Variants in RHD observed in about 807,000 individuals in gnomAD.
RHD encodes the protein Rh blood group D antigen, also known as blood group Rh(D) polypeptide.
A neutral mutation model predicts 45.5 loss-of-function variants in RHD; 16 were observed. The observed-to-expected ratio is 0.35, with a 90% CI of 0.24 to 0.53. RHD has a LOEUF of 0.53. Among genes scored for constraint, RHD ranks in the 20% least tolerant of loss-of-function variants. The pLI, the probability that RHD is intolerant of heterozygous loss-of-function variation, is 0.92. For missense variants in RHD, 306 were observed against 532.0 expected (o/e 0.58, Z 4.18); for synonymous variants, 131 against 217.5 (o/e 0.60, Z 3.50).
chr1:25,313,848 A>G (rs533966292), intron 7 of RHD, among the ~76,000 whole-genome samples: 2 of 133,214 alleles, frequency 1.5e-5, no homozygotes, highest in African/African-American at 5.1e-5. Context: ...CAAGAAAATG[A>G]GATAAACAAC....
In RHD at chr1:25,277,835, C is replaced by T. The variant is rs1452471346; in HGVS notation, c.148+5140C>T. ...GATTACAGGCATGCGCCACCACGCC[C>T]GGCTAATTTTGTATTTTTAGTAGAG... is the stretch of plus-strand genomic sequence containing the variant. On this transcript the variant is annotated intron_variant, in intron 1 of 9. Transcript: ENST00000328664. 7.8e-4 allele frequency among the ~76,000 whole-genome samples: 98 copies of T among 126,368 alleles called. 16 individuals carry two copies. Among genetic ancestry groups the T allele is most frequent in the African/African-American group, 1.4e-3 (53 of 37,258 alleles). The allele number at this position is 126,368 out of a possible 152,430, so 82.9% of individuals were successfully genotyped here. A position where few individuals can be genotyped will look rare whatever the true frequency, so the allele number is the denominator to read the frequency against.
At position 25,299,506 on chromosome 1, in the gene RHD, C is replaced by T. The variant is rs1446049331; in HGVS notation, c.487-1440C>T. 1.5e-5 allele frequency among the ~76,000 whole-genome samples: 2 copies of T among 131,988 alleles called. 1 individual carries two copies. The highest frequency in any genetic ancestry group is 5.2e-5 in the African/African-American group (2 of 38,380). 86.6% of individuals were successfully genotyped at this position (131,988 alleles called of 152,430 possible). ...TTGCACCCAGGGTGGACTACTCCCT[C>T]CACCCTGCCCTTGTTACACCCTGGC... On this transcript the variant is annotated intron_variant, in intron 3 of 9. Coordinates refer to ENST00000328664, the MANE Select transcript of RHD (RefSeq NM_016124.6).
In RHD at chr1:25,290,679, T is replaced by C; in HGVS notation, c.374T>C (p.Ile125Thr). The C allele has an allele frequency of 2.2e-6, 3 of 1,378,600 alleles. 1 individual carries two copies. The highest frequency in any genetic ancestry group is 3.1e-6 in the Non-Finnish European group (3 of 978,452). 85.4% of individuals were successfully genotyped at this position (1,378,600 alleles called of 1,614,324 possible). ...ACCATGAGTGCTTTGTCGGTGCTGATCTCAGTGGATGCTGTCTTGGGGAAG... is the reference window on the plus strand; with the variant it reads ...ACCATGAGTGCTTTGTCGGTGCTGACCTCAGTGGATGCTGTCTTGGGGAAG... ...LATMSALSVL[I>T]SVDAVLGKVN... The change falls in exon 3 of 10, where the codon ATC becomes ACC. Residue 125 changes from isoleucine (I) to threonine (T), a missense_variant. By Grantham distance (89) the Ile-to-Thr change is moderately conservative. Coordinates refer to ENST00000328664, the MANE Select transcript of RHD (RefSeq NM_016124.6).
At position 25,290,246 on chromosome 1, in the gene RHD, C is replaced by G. The variant is rs560618923; in HGVS notation, c.336-395C>G. 2.4e-4 allele frequency among the ~76,000 whole-genome samples: 30 copies of G among 127,292 alleles called. 6 individuals carry two copies. The highest frequency in any genetic ancestry group is 1.5e-4 in the Non-Finnish European group (8 of 54,230). 83.5% of individuals were successfully genotyped at this position (127,292 alleles called of 152,430 possible). On this transcript the variant is annotated intron_variant, in intron 2 of 9. Transcript: ENST00000328664. ...CAGGCCTGCGGGGGAAGAGTGCCCT[C>G]TGTTGAGCATCCGAATGATGGCAGC...
chr1:25,329,006 A>G lies in RHD; in HGVS notation c.*82A>G, dbSNP rs780411525. 2.9e-6 allele frequency: 4 copies of G among 1,377,140 alleles called. No individual in the cohort carries two copies. In the African/African-American group the frequency reaches 5.7e-5, roughly 19 times the overall value. 85.3% of individuals were successfully genotyped at this position (1,377,140 alleles called of 1,614,324 possible). ...TGTTGCCTGCATTTGTACGTGAGAA[A>G]CGCTCATGACAGCAAAGTCTCCAAT... On this transcript the variant is annotated 3_prime_UTR_variant, in exon 10 of 10. Transcript: ENST00000328664.
At chr1:25,315,501 C>CTT (rs1189263980) in intron 7 of RHD, among the ~76,000 whole-genome samples, 2 of 114,120 alleles carry the variant, frequency 1.8e-5, no homozygotes, top group African/African-American at 3.0e-5. Context: ...TTCTTTCTTT[C>CTT]TTTTTTTTTT....
chr1:25,278,483 G>C (rs1641205853), intron 1 of RHD, among the ~76,000 whole-genome samples: 2 of 131,604 alleles, frequency 1.5e-5, no homozygotes, highest in African/African-American at 5.2e-5. Flanking sequence ...GGGTTCAGCT[G>C]GGCAGTTCTT....
In RHD at chr1:25,284,746, A is replaced by G. The variant is rs1307899222; in HGVS notation, c.322A>G (p.Ile108Val). 5.0e-6 allele frequency: 7 copies of G among 1,388,942 alleles called. No homozygotes were observed. The Admixed American group carries it at 5.3e-5, about 11-fold the overall frequency. The allele number at this position is 1,388,942 out of a possible 1,614,324, so 86.0% of individuals were successfully genotyped here. A position where few individuals can be genotyped will look rare whatever the true frequency, so the allele number is the denominator to read the frequency against. Residue 108 changes from isoleucine to valine, a missense_variant, in exon 2 of 10, where the codon ATC becomes GTC. Coordinates refer to ENST00000328664, the MANE Select transcript of RHD (RefSeq NM_016124.6). ...CCAGTTCCCTTCTGGGAAGGTGGTC[A>G]TCACACTGTTCAGGTATTGGGATGG... is the stretch of plus-strand genomic sequence containing the variant. ...LSQFPSGKVV[I>V]TLFSIRLATM... is the part of the protein sequence containing the mutation.
In RHD at chr1:25,305,998, G is replaced by A. The variant is rs1382643393; in HGVS notation, c.940-598G>A. Among the ~76,000 whole-genome samples, 4 of 132,106 alleles carry A rather than the reference G, an allele frequency of 3.0e-5. 1 individual carries two copies. The highest frequency in any genetic ancestry group is 1.0e-4 in the African/African-American group (4 of 38,242). 86.7% of individuals were successfully genotyped at this position (132,106 alleles called of 152,430 possible). On this transcript the variant is annotated intron_variant, in intron 6 of 9. Transcript: ENST00000328664. ...CACATCTGCTGGCTCACGGCTGTGTGGGAGGCTGAGTGATGGGGAGGAAGG... is the reference window on the plus strand; with the variant it reads ...CACATCTGCTGGCTCACGGCTGTGTAGGAGGCTGAGTGATGGGGAGGAAGG...
chr1:25,292,686 G>A (rs1310462528), intron 3 of RHD, among the ~76,000 whole-genome samples: 1 of 128,708 alleles, frequency 7.8e-6, no homozygotes, highest in East Asian at 2.0e-4. Flanking sequence ...AAACATCCCA[G>A]TGGAGACACT....
In RHD at chr1:25,284,999, C is replaced by T. The variant is rs1484353505; in HGVS notation, c.335+240C>T. ...CAAGGAATCCAGGCCTACATTCCTC[C>T]TGCATCCTTTCTTTCCTGTTATTGT... On this transcript the variant is annotated intron_variant, in intron 2 of 9. Transcript: ENST00000328664. 2.2e-4 allele frequency among the ~76,000 whole-genome samples: 30 copies of T among 135,144 alleles called. 9 individuals are homozygous for T. Among genetic ancestry groups the T allele is most frequent in the Non-Finnish European group, 2.3e-4 (13 of 57,064 alleles). 88.7% of individuals were successfully genotyped at this position (135,144 alleles called of 152,430 possible).
rs1403885629 is a variant in RHD at position 25,274,584 on chromosome 1, G to T, written c.148+1889G>T. Reference sequence around the variant, plus strand: ...GTGACTGCCCAGCCAGGTCTTGAAGGCTCAGTAGGAATTACCTGTGGGACA... The same window carrying T: ...GTGACTGCCCAGCCAGGTCTTGAAGTCTCAGTAGGAATTACCTGTGGGACA... On this transcript the variant is annotated intron_variant, in intron 1 of 9. Coordinates refer to ENST00000328664, the MANE Select transcript of RHD (RefSeq NM_016124.6). Among the ~76,000 whole-genome samples, 4 of 133,480 alleles carry T rather than the reference G, an allele frequency of 3.0e-5. 1 individual carries two copies. Among genetic ancestry groups the T allele is most frequent in the Middle Eastern group, 8.1e-3 (2 of 246 alleles). The allele number at this position is 133,480 out of a possible 152,430, so 87.6% of individuals were successfully genotyped here.
In RHD at chr1:25,329,579, G is replaced by A. The variant is rs1373968034; in HGVS notation, c.*655G>A. 2.0e-5 allele frequency: 3 copies of A among 151,602 alleles called. 1 individual carries two copies. Among genetic ancestry groups the A allele is most frequent in the Non-Finnish European group, 4.6e-5 (3 of 65,800 alleles). 9.4% of individuals were successfully genotyped at this position (151,602 alleles called of 1,614,324 possible). On this transcript the variant is annotated 3_prime_UTR_variant, in exon 10 of 10. Transcript: ENST00000328664. ...TTTAACAGATAACAGTGTGCTCATA[G>A]AAACTGCTTTGACATGACTGCAATC... is the stretch of plus-strand genomic sequence containing the variant.
At chr1:25,321,410 T>C (rs1249641018) in intron 8 of RHD, among the ~76,000 whole-genome samples, 1 of 120,874 alleles carries the variant, frequency 8.3e-6, no homozygotes, top group African/African-American at 2.8e-5. Context: ...CCTGTAATAC[T>C]AGCACTTTGG....
At chr1:25,282,294 G>T (rs1171851659) in intron 1 of RHD, among the ~76,000 whole-genome samples, 2 of 131,502 alleles carry the variant, frequency 1.5e-5, no homozygotes, top group African/African-American at 5.2e-5. Context: ...GAGTGCAGTG[G>T]TGCGGTCTCA....
intron 3 of RHD, among the ~76,000 whole-genome samples, chr1:25,291,760 G>T (rs1393646831): frequency 1.5e-5 from 2 of 132,752 alleles, no homozygotes; most frequent in African/African-American, 5.1e-5. Context: ...GGGAGAGCCT[G>T]TCGAAAGTCT....
Position 25,297,156 on chromosome 1 carries a change from T to G in RHD, c.487-3790T>G, listed in dbSNP as rs369903622. ...CAATCTGGAGCAGTTTCTTCATCTT[T>G]CTTTATCTTTCATGACCTTGACATG... is the stretch of plus-strand genomic sequence containing the variant. On this transcript the variant is annotated intron_variant, in intron 3 of 9. Transcript: ENST00000328664. 4.7e-3 allele frequency among the ~76,000 whole-genome samples: 470 copies of G among 100,934 alleles called. 53 individuals are homozygous for G. Among genetic ancestry groups the G allele is most frequent in the African/African-American group, 0.014 (444 of 30,684 alleles). The allele number at this position is 100,934 out of a possible 152,430, so 66.2% of individuals were successfully genotyped here. A position where few individuals can be genotyped will look rare whatever the true frequency, so the allele number is the denominator to read the frequency against.
At position 25,290,791 on chromosome 1, in the gene RHD, C is replaced by A. The variant is rs371990272; in HGVS notation, c.486C>A (p.Asn162Lys). ...NLRMVISNIF[N>K]TDYHMNMMHI... ...GGATGGTCATCAGTAATATCTTCAACGTGAGTCATGGTGCTGGGAGGAGGG... is the reference window on the plus strand; with the variant it reads ...GGATGGTCATCAGTAATATCTTCAAAGTGAGTCATGGTGCTGGGAGGAGGG... Residue 162 changes from asparagine to lysine, a missense_variant and splice_region_variant, in exon 3 of 10, where the codon AAC becomes AAA. Coordinates refer to ENST00000328664, the MANE Select transcript of RHD (RefSeq NM_016124.6). The A allele has an allele frequency of 7.3e-7, 1 of 1,376,328 alleles. No individual in the cohort carries two copies. The highest frequency in any genetic ancestry group is 2.2e-5 in the East Asian group (1 of 44,624). The allele number at this position is 1,376,328 out of a possible 1,614,324, so 85.3% of individuals were successfully genotyped here.
intron 7 of RHD, chr1:25,306,971 G>T (rs373088752): frequency 2.2e-6 from 1 of 456,324 alleles, no homozygotes; most frequent in South Asian, 1.8e-5. Context: ...CCAAAGACAC[G>T]AAATCTTTTG....
Sources: gnomAD v4.1 joint callset for allele counts (sites outside exome capture counted in the v4.1 genomes callset) on GRCh38, gnomAD v4.1.1 for gene constraint, MANE v1.5 for transcripts, NCBI Gene and HGNC (gene_info 2026-07-23, HGNC 2026-07-21) for gene names.